Variants in CALCOCO2 observed in about 807,000 individuals in gnomAD.
CALCOCO2 encodes the protein calcium-binding and coiled-coil domain-containing protein 2.
A neutral mutation model predicts 62.5 loss-of-function variants in CALCOCO2; 42 were observed. The ratio of observed to expected loss-of-function variants is 0.67; its 90% CI spans 0.53 to 0.87. The LOEUF is 0.87. Ranked by LOEUF, CALCOCO2 falls within the 40% of genes least tolerant of loss-of-function variation. The pLI is 0.00. For missense variants in CALCOCO2, 456 were observed against 515.0 expected, an observed-to-expected ratio of 0.89 and a Z score of 1.11; for synonymous variants, 167 against 173.0, an observed-to-expected ratio of 0.97 and a Z score of 0.27.
In CALCOCO2 at chr17:48,863,074, T is replaced by C. The variant is rs2040351091; in HGVS notation, c.*69T>C. 8.4e-7 allele frequency: 1 copy of C among 1,186,646 alleles called. No homozygotes were observed. Among genetic ancestry groups the C allele is most frequent in the Non-Finnish European group, 1.3e-6 (1 of 791,806 alleles). 73.5% of individuals were successfully genotyped at this position (1,186,646 alleles called of 1,614,324 possible). A position where few individuals can be genotyped will look rare whatever the true frequency, so the allele number is the denominator to read the frequency against. On this transcript the variant is annotated 3_prime_UTR_variant, in exon 13 of 13. Transcript: ENST00000258947. ...AACCTATAGCTTCTACCATGAGTTA[T>C]ATGAGTCAAGATCCTGCCTAACCTG...
chr17:48,843,291 T>C (rs1235335854), intron 2 of CALCOCO2, among the ~76,000 whole-genome samples: 1 of 152,154 alleles, frequency 6.6e-6, no homozygotes, highest in Non-Finnish European at 1.5e-5. Context: ...ACATCTCACA[T>C]ACACCATAAT....
intron 1 of CALCOCO2, among the ~76,000 whole-genome samples, chr17:48,840,827 G>GA (rs34125338): frequency 6.0e-5 from 9 of 150,204 alleles, no homozygotes; most frequent in African/African-American, 1.5e-4. Context: ...GTTGTACCAG[G>GA]AAAAAAAAAC....
Position 48,862,897 on chromosome 17 carries a change from G to A in CALCOCO2, c.1233G>A (p.Glu411=). 5 of 1,613,872 alleles carry A rather than the reference G, an allele frequency of 3.1e-6. No individual in the cohort carries two copies. Among genetic ancestry groups the A allele is most frequent in the Non-Finnish European group, 4.2e-6 (5 of 1,179,732 alleles). The change falls in exon 13 of 13, where the codon GAG becomes GAA. Residue 411 remains glutamate, a synonymous_variant. Coordinates refer to ENST00000258947, the MANE Select transcript of CALCOCO2 (RefSeq NM_005831.5). The stretch of plus-strand genomic sequence containing the variant: ...ATGATATTTGTGATCACACCTTGGA[G>A]CAACAGCAGATGCAGCCCCTTTGTT... The part of the protein sequence containing the change: ...KADDICDHTL[E]QQQMQPLCFN...
At chr17:48,834,772 G>A (rs1419067774) in intron 1 of CALCOCO2, among the ~76,000 whole-genome samples, 1 of 152,216 alleles carries the variant, frequency 6.6e-6, no homozygotes, top group African/African-American at 2.4e-5. Context: ...CATGGGCCAG[G>A]TGTAGTGACT....
intron 10 of CALCOCO2, among the ~76,000 whole-genome samples, chr17:48,857,497 CTTTTTTTTTTT>C (rs59318856): frequency 2.6e-5 from 1 of 38,430 alleles, no homozygotes; most frequent in Non-Finnish European, 4.8e-5. Context: ...GCACCCGGCC[CTTTTTTTTTTT>C]TTTTTTTTTT....
At position 48,832,791 on chromosome 17, in the gene CALCOCO2, A is replaced by G. The variant is rs573975265; in HGVS notation, c.-11+1713A>G. Among the ~76,000 whole-genome samples, 10 of 152,316 alleles carry G rather than the reference A, an allele frequency of 6.6e-5. No homozygotes were observed. The South Asian group carries it at 2.1e-3, about 32-fold the overall frequency. On this transcript the variant is annotated intron_variant, in intron 1 of 12. Coordinates refer to ENST00000258947, the MANE Select transcript of CALCOCO2 (RefSeq NM_005831.5). ...TGGTCTCAGTAAAATGGAGATTAGT[A>G]CACAGCTTTGAGCCTTTCAGAGTTT...
intron 9 of CALCOCO2, among the ~76,000 whole-genome samples, chr17:48,855,587 G>A (rs1459992742): frequency 1.3e-5 from 2 of 152,120 alleles, no homozygotes; most frequent in Non-Finnish European, 2.9e-5. Flanking sequence ...TGAGCTCCTT[G>A]TATCCTTGGA....
rs1347325434 is a variant in CALCOCO2, at chr17:48,863,879, T to C, written c.*874T>C. ...TAAAATAAACCTTCAATTTATGGTCTTCTGTTTTGAAGCTCATGGGAAAAT... is the reference window on the plus strand; with the variant it reads ...TAAAATAAACCTTCAATTTATGGTCCTCTGTTTTGAAGCTCATGGGAAAAT... On this transcript the variant is annotated 3_prime_UTR_variant, in exon 13 of 13. Coordinates refer to ENST00000258947, the MANE Select transcript of CALCOCO2 (RefSeq NM_005831.5). 2 of 152,118 alleles carry C rather than the reference T, an allele frequency of 1.3e-5. No homozygotes were observed. Among genetic ancestry groups the C allele is most frequent in the Non-Finnish European group, 2.9e-5 (2 of 68,032 alleles). 9.4% of individuals were successfully genotyped at this position (152,118 alleles called of 1,614,324 possible). A position where few individuals can be genotyped will look rare whatever the true frequency, so the allele number is the denominator to read the frequency against.
intron 8 of CALCOCO2, 137 bp downstream of exon 8, chr17:48,852,765 C>G: frequency 1.0e-6 from 1 of 1,003,716 alleles, no homozygotes; most frequent in South Asian, 1.5e-5. Context: ...AGGAAGCTAT[C>G]TGAAATGAGA....
At chr17:48,836,588 G>A (rs185057889) in intron 1 of CALCOCO2, among the ~76,000 whole-genome samples, 1 of 152,200 alleles carries the variant, frequency 6.6e-6, no homozygotes, top group African/African-American at 2.4e-5. Context: ...ATAGTGTTGT[G>A]AAGGAAAAGA....
chr17:48,848,645 TTTC>T, intron 4 of CALCOCO2, 190 bp downstream of exon 4: 1 of 629,430 alleles, frequency 1.6e-6, no homozygotes. Flanking sequence ...CAATAAGTGG[TTTC>T]TTCTTTTCTA....
chr17:48,857,701 G>A (rs188066997), intron 10 of CALCOCO2, among the ~76,000 whole-genome samples: 282 of 149,018 alleles, frequency 1.9e-3, no homozygotes, highest in Non-Finnish European at 3.6e-3. Flanking sequence ...TTGGCTGGGC[G>A]CGGTGGCTCA....
intron 2 of CALCOCO2, among the ~76,000 whole-genome samples, chr17:48,845,371 C>CTCTGTGTGTG (rs1447732152): frequency 1.7e-5 from 2 of 116,288 alleles, no homozygotes; most frequent in Admixed American, 8.9e-5. Context: ...TAAATCCTCA[C>CTCTGTGTGTG]TGTGTGTGTG....
rs567468386 is a variant in CALCOCO2, at chr17:48,857,841, G to T, written c.1008+1654G>T. ...TACAAAAAAAAAATTAGCGAGCTTG[G>T]TGGCAGGCGCCTATAGTCCCAGCTA... On this transcript the variant is annotated intron_variant, in intron 10 of 12. Coordinates refer to ENST00000258947, the MANE Select transcript of CALCOCO2 (RefSeq NM_005831.5). 8.0e-5 allele frequency among the ~76,000 whole-genome samples: 12 copies of T among 149,798 alleles called. No homozygotes were observed. The South Asian group carries it at 1.3e-3, about 16-fold the overall frequency.
chr17:48,858,722 T>A (rs1206560452), intron 10 of CALCOCO2, among the ~76,000 whole-genome samples: 1 of 151,938 alleles, frequency 6.6e-6, no homozygotes, highest in African/African-American at 2.4e-5. Context: ...ACACACAGTT[T>A]GCAAAACAAA....
At chr17:48,833,325 G>A (rs879580820) in intron 1 of CALCOCO2, among the ~76,000 whole-genome samples, 5 of 152,180 alleles carry the variant, frequency 3.3e-5, no homozygotes, top group Non-Finnish European at 5.9e-5. Flanking sequence ...GGGAGGCCAA[G>A]GTGGGTGGAT....
intron 1 of CALCOCO2, among the ~76,000 whole-genome samples, chr17:48,841,179 A>T (rs2039970484): frequency 6.6e-6 from 1 of 152,218 alleles, no homozygotes; most frequent in African/African-American, 2.4e-5. Flanking sequence ...CATGCTTGTC[A>T]CTACTGCATG....
intron 1 of CALCOCO2, among the ~76,000 whole-genome samples, chr17:48,836,068 G>T (rs1412638699): frequency 6.6e-6 from 1 of 152,002 alleles, no homozygotes; most frequent in African/African-American, 2.4e-5. Context: ...TTGTTTTTCT[G>T]GTAATGAAAG....
chr17:48,856,240 G>A (rs1598042745), intron 10 of CALCOCO2, 53 bp downstream of exon 10: 2 of 994,232 alleles, frequency 2.0e-6, no homozygotes, highest in East Asian at 4.8e-5. Flanking sequence ...GGAAGGATCA[G>A]GGTGGCCCAG....
Sources: gnomAD v4.1 joint callset for allele counts (sites outside exome capture counted in the v4.1 genomes callset) on GRCh38, gnomAD v4.1.1 for gene constraint, MANE v1.5 for transcripts, NCBI Gene and HGNC (gene_info 2026-07-23, HGNC 2026-07-21) for gene names.